The following CXCL13 variants were observed in gnomAD, a reference collection of about 807,000 sequenced individuals.
The protein encoded by CXCL13 is C-X-C motif chemokine ligand 13, also known as C-X-C motif chemokine 13.
CXCL13 carries 7 observed loss-of-function variants against 12.2 expected under a neutral mutation model. That is an observed-to-expected ratio of 0.57 (90% CI 0.33 to 1.07). The LOEUF (loss-of-function observed/expected upper bound fraction) is 1.07, where lower values mean the gene tolerates loss of function less well. Among genes scored for constraint, CXCL13 ranks in the 50% least tolerant of loss-of-function variants. The probability of loss-of-function intolerance (pLI) is 0.04; values close to 1 mark genes in which losing one functional copy is unlikely to be tolerated. For missense variants in CXCL13, 113 were observed against 127.4 expected, an observed-to-expected ratio of 0.89 and a Z score of 0.55; for synonymous variants, 47 against 42.4, an observed-to-expected ratio of 1.11 and a Z score of -0.42.
chr4:77,606,544 G>C (rs115103461), intron 1 of CXCL13, among the ~76,000 whole-genome samples: 53 of 152,334 alleles, frequency 3.5e-4, no homozygotes, highest in Non-Finnish European at 6.6e-4. Flanking sequence ...CTCAGATTTA[G>C]AAGGCCAAAT....
At chr4:77,526,348 TA>T (rs1724766892) in intron 1 of CXCL13, among the ~76,000 whole-genome samples, 1 of 152,124 alleles carries the variant, frequency 6.6e-6, no homozygotes, top group African/African-American at 2.4e-5. Context: ...ATTCATCTAA[TA>T]TGCTTAAAGG....
intron 1 of CXCL13, among the ~76,000 whole-genome samples, chr4:77,544,598 A>AT (rs1391865455): frequency 4.6e-5 from 7 of 151,514 alleles, no homozygotes; most frequent in Admixed American, 1.3e-4. Context: ...GGGTTGTTTG[A>AT]TTTTTTCTTG....
At chr4:77,589,912 A>G (rs755407986) in intron 1 of CXCL13, among the ~76,000 whole-genome samples, 8 of 152,218 alleles carry the variant, frequency 5.3e-5, no homozygotes. Flanking sequence ...CCATCAGAAT[A>G]GTAATTCCAC....
At chr4:77,588,981 CA>C (rs1726545279) in intron 1 of CXCL13, among the ~76,000 whole-genome samples, 1 of 152,202 alleles carries the variant, frequency 6.6e-6, no homozygotes, top group Non-Finnish European at 1.5e-5. Context: ...CTTCTATTTT[CA>C]CTCTGTCTAG....
At chr4:77,521,234 A>C (rs902700822) in intron 1 of CXCL13, among the ~76,000 whole-genome samples, 2 of 152,200 alleles carry the variant, frequency 1.3e-5, no homozygotes, top group African/African-American at 4.8e-5. Context: ...GGCCTCATAA[A>C]TGAGTTAGGG....
chr4:77,606,188 CT>C (rs1157534502), intron 1 of CXCL13, among the ~76,000 whole-genome samples: 1 of 152,128 alleles, frequency 6.6e-6, no homozygotes, highest in Non-Finnish European at 1.5e-5. Context: ...TATTCCCAGC[CT>C]TTTTCTGATT....
intron 1 of CXCL13, among the ~76,000 whole-genome samples, chr4:77,559,637 C>A (rs1011426994): frequency 2.6e-5 from 4 of 151,684 alleles, no homozygotes; most frequent in African/African-American, 9.7e-5. Context: ...AAACCTGACA[C>A]TCTGGCCAGG....
chr4:77,532,345 T>G (rs530584984), intron 1 of CXCL13, among the ~76,000 whole-genome samples: 1 of 152,330 alleles, frequency 6.6e-6, no homozygotes, highest in East Asian at 1.9e-4. Flanking sequence ...AGTTGAAAAT[T>G]CTTTTCTTTA....
At chr4:77,531,710 C>T (rs931820238) in intron 1 of CXCL13, among the ~76,000 whole-genome samples, 4 of 152,070 alleles carry the variant, frequency 2.6e-5, no homozygotes, top group Non-Finnish European at 5.9e-5. Context: ...TAAGGACTTG[C>T]TTTGTGAATC....
intron 1 of CXCL13, among the ~76,000 whole-genome samples, chr4:77,559,366 C>A (rs1725745840): frequency 6.6e-6 from 1 of 152,086 alleles, no homozygotes; most frequent in Non-Finnish European, 1.5e-5. Context: ...AATGGAATGA[C>A]CCTTCAGAGA....
intron 1 of CXCL13, among the ~76,000 whole-genome samples, chr4:77,569,847 A>G (rs1346020505): frequency 1.3e-5 from 2 of 152,240 alleles, no homozygotes; most frequent in Non-Finnish European, 2.9e-5. Flanking sequence ...AAAAACCTGG[A>G]GGCATCATGT....
Position 77,512,287 on chromosome 4 carries a change from T to C in CXCL13, c.-43+499T>C, listed in dbSNP as rs78030804. ...ATTTAGTGGCAAAATTTGTAGTTAA[T>C]TTTATAGAAGTCAGGAAATGCAGAG... On this transcript the variant is annotated intron_variant, in intron 1 of 4. Transcript: ENST00000286758. Among the ~76,000 whole-genome samples the C allele has an allele frequency of 7.6e-3, 1,158 of 152,300 alleles. 14 individuals are homozygous for C. Among genetic ancestry groups the C allele is most frequent in the African/African-American group, 0.025 (1,047 of 41,568 alleles).
intron 1 of CXCL13, among the ~76,000 whole-genome samples, chr4:77,569,701 C>G (rs151325159): frequency 0.014 from 2,093 of 152,218 alleles, 42 homozygotes; most frequent in African/African-American, 0.048. Flanking sequence ...TCATACTGCC[C>G]AAAGCAATTG....
intron 1 of CXCL13, among the ~76,000 whole-genome samples, chr4:77,598,348 G>T (rs1367246019): frequency 6.6e-6 from 1 of 152,202 alleles, no homozygotes; most frequent in Non-Finnish European, 1.5e-5. Flanking sequence ...AACAGGGCTG[G>T]ATAGTGCCTG....
chr4:77,608,917 G>C (rs564568356), intron 2 of CXCL13, among the ~76,000 whole-genome samples: 1 of 152,174 alleles, frequency 6.6e-6, no homozygotes, highest in Non-Finnish European at 1.5e-5. Flanking sequence ...GTCAACCAAG[G>C]AAGGTAATGC....
At chr4:77,548,602 AC>A (rs1318544619) in intron 1 of CXCL13, among the ~76,000 whole-genome samples, 2 of 152,176 alleles carry the variant, frequency 1.3e-5, no homozygotes, top group Non-Finnish European at 2.9e-5. Flanking sequence ...GTGAGTACTA[AC>A]CGAATTCCTC....
intron 1 of CXCL13, among the ~76,000 whole-genome samples, chr4:77,588,917 T>G (rs1477163699): frequency 6.6e-6 from 1 of 152,224 alleles, no homozygotes; most frequent in Non-Finnish European, 1.5e-5. Flanking sequence ...TTTCCTTTTA[T>G]GACTACCAGA....
intron 1 of CXCL13, among the ~76,000 whole-genome samples, chr4:77,542,263 G>T (rs989300868): frequency 2.0e-5 from 3 of 152,156 alleles, no homozygotes; most frequent in Non-Finnish European, 2.9e-5. Context: ...GGTGTGATGA[G>T]AGTAGGTATA....
At chr4:77,516,702 T>C (rs1324945887) in intron 1 of CXCL13, among the ~76,000 whole-genome samples, 1 of 152,190 alleles carries the variant, frequency 6.6e-6, no homozygotes, top group Non-Finnish European at 1.5e-5. Flanking sequence ...CTCTCTTTTT[T>C]TTCTTTATTA....
Sources: gnomAD v4.1 joint callset for allele counts (sites outside exome capture counted in the v4.1 genomes callset) on GRCh38, gnomAD v4.1.1 for gene constraint, MANE v1.5 for transcripts, NCBI Gene and HGNC (gene_info 2026-07-23, HGNC 2026-07-21) for gene names.